ASNS: variants seen among roughly 807,000 people sequenced by gnomAD.
ASNS encodes the protein asparagine synthetase (glutamine-hydrolyzing).
ASNS carries 37 observed loss-of-function variants against 62.6 expected under a neutral mutation model. That is an observed-to-expected ratio of 0.59 (90% confidence interval 0.45 to 0.78). The LOEUF is 0.78. Ranked by LOEUF, ASNS falls within the 30% of genes least tolerant of loss-of-function variation. The pLI is 0.00. For synonymous variants in ASNS, 207 were observed against 237.9 expected, an observed-to-expected ratio of 0.87 and a Z score of 1.19; for missense variants, 520 against 682.4, an observed-to-expected ratio of 0.76 and a Z score of 2.65.
intron 1 of ASNS, chr7:97,871,791 T>TGGGGATGGC (rs1792276573): frequency 7.5e-6 from 1 of 132,650 alleles, no homozygotes; most frequent in Non-Finnish European, 1.6e-5. Flanking sequence ...TGGGGACTGG[T>TGGGGATGGC]GGGGATGGCG....
the ASNS span, among the ~76,000 whole-genome samples, chr7:97,893,068 T>C: frequency 6.6e-6 from 1 of 152,360 alleles, no homozygotes; most frequent in South Asian, 2.1e-4. Context: ...TCTACATTGC[T>C]GGGGAGGCTT....
chr7:97,920,406 T>A, the ASNS span, among the ~76,000 whole-genome samples: 4 of 147,792 alleles, frequency 2.7e-5, no homozygotes. Context: ...CACCCCCCAA[T>A]GCCCCCCGGC....
the ASNS span, among the ~76,000 whole-genome samples, chr7:97,881,553 C>A: frequency 6.6e-6 from 1 of 152,118 alleles, no homozygotes; most frequent in Non-Finnish European, 1.5e-5. Context: ...GTAGCAACAA[C>A]CAAGATGGCC....
At chr7:97,867,024 A>ACTTAGATGCTTGGTAGAAGCAAT (rs1425315060) in intron 3 of ASNS, among the ~76,000 whole-genome samples, 13 of 130,944 alleles carry the variant, frequency 9.9e-5, no homozygotes, top group East Asian at 2.4e-4. Context: ...TTATTTAAAA[A>ACTTAGATGCTTGGTAGAAGCAAT]GGAGAAGGGT....
the ASNS span, among the ~76,000 whole-genome samples, chr7:97,915,343 C>T: frequency 6.6e-6 from 1 of 152,232 alleles, no homozygotes; most frequent in South Asian, 2.1e-4. Context: ...CCATCACTAT[C>T]TAATACTGAG....
At chr7:97,869,467 A>T (rs571227062) in intron 2 of ASNS, among the ~76,000 whole-genome samples, 1 of 152,292 alleles carries the variant, frequency 6.6e-6, no homozygotes, top group African/African-American at 2.4e-5. Context: ...GGTTGGCTAG[A>T]GCTGACAGCG....
chr7:97,890,004 A>G, the ASNS span, among the ~76,000 whole-genome samples: 3 of 151,560 alleles, frequency 2.0e-5, no homozygotes, highest in African/African-American at 7.2e-5. Context: ...AGAGATAGAC[A>G]GCATAACAAA....
At chr7:97,889,042 C>T in the ASNS span, among the ~76,000 whole-genome samples, 1 of 152,202 alleles carries the variant, frequency 6.6e-6, no homozygotes, top group Non-Finnish European at 1.5e-5. Context: ...TGCCAGCAAC[C>T]AAAGGAGCCA....
intron 7 of ASNS, among the ~76,000 whole-genome samples, chr7:97,857,604 T>C (rs1174253608): frequency 7.1e-6 from 1 of 140,680 alleles, no homozygotes; most frequent in Non-Finnish European, 1.5e-5. Flanking sequence ...CATGATACTA[T>C]GCCTTTACGT....
At chr7:97,911,783 G>A in the ASNS span, among the ~76,000 whole-genome samples, 10 of 152,004 alleles carry the variant, frequency 6.6e-5, no homozygotes, top group Non-Finnish European at 7.4e-5. Context: ...GGAGGGAAGC[G>A]TGGGGGAGGC....
chr7:97,901,620 A>G, the ASNS span, among the ~76,000 whole-genome samples: 1 of 152,352 alleles, frequency 6.6e-6, no homozygotes, highest in African/African-American at 2.4e-5. Context: ...GAAATTGTGC[A>G]TATTTCCCAC....
chr7:97,901,278 A>G, the ASNS span, among the ~76,000 whole-genome samples: 6 of 152,072 alleles, frequency 3.9e-5, no homozygotes, highest in Non-Finnish European at 5.9e-5. Flanking sequence ...TCACTGCAAC[A>G]TCTGCCTCCT....
chr7:97,894,934 G>A, the ASNS span, among the ~76,000 whole-genome samples: 4 of 152,114 alleles, frequency 2.6e-5, no homozygotes, highest in African/African-American at 9.7e-5. Context: ...AAAACTACAG[G>A]CCAATATTCC....
upstream of ASNS, among the ~76,000 whole-genome samples, chr7:97,874,631 C>G (rs1792401484): frequency 6.6e-6 from 1 of 152,286 alleles, no homozygotes; most frequent in Admixed American, 6.5e-5. Flanking sequence ...CCACGTTCTT[C>G]TGTCATGGCT....
At chr7:97,908,367 A>T in the ASNS span, 1 of 152,184 alleles carries the variant, frequency 6.6e-6, no homozygotes, top group Non-Finnish European at 1.5e-5. Flanking sequence ...AAAATGTACA[A>T]GACCACAATG....
At chr7:97,894,296 A>G in the ASNS span, among the ~76,000 whole-genome samples, 1 of 152,044 alleles carries the variant, frequency 6.6e-6, no homozygotes, top group Admixed American at 6.5e-5. Context: ...CGACCTAATG[A>G]TGCACCTCAA....
the ASNS span, among the ~76,000 whole-genome samples, chr7:97,884,602 C>A: frequency 6.6e-6 from 1 of 152,182 alleles, no homozygotes; most frequent in African/African-American, 2.4e-5. Context: ...AGGGACTTCA[C>A]TACGCTGTTT....
chr7:97,884,727 A>C, the ASNS span, among the ~76,000 whole-genome samples: 3 of 152,196 alleles, frequency 2.0e-5, no homozygotes, highest in African/African-American at 7.2e-5. Flanking sequence ...ATAACTATTA[A>C]AATATAATTC....
chr7:97,865,084 T>G (rs940570732), intron 3 of ASNS, among the ~76,000 whole-genome samples: 3 of 152,234 alleles, frequency 2.0e-5, no homozygotes, highest in African/African-American at 7.2e-5. Context: ...TCAGCTACCA[T>G]GTGGAAAATC....
Sources: allele counts gnomAD v4.1 joint callset (sites outside exome capture counted in the v4.1 genomes callset), GRCh38; gene constraint gnomAD v4.1.1; transcripts MANE v1.5; gene names NCBI Gene and HGNC (gene_info 2026-07-23, HGNC 2026-07-21).